Variants in RIOK3 observed in about 807,000 individuals in gnomAD.
RIOK3 encodes the protein RIO kinase 3.
RIOK3 carries 40 observed loss-of-function variants against 63.5 expected under a neutral mutation model. That is an observed-to-expected ratio of 0.63 (90% CI 0.49 to 0.82). The LOEUF is 0.82. Among genes scored for constraint, RIOK3 ranks in the 40% least tolerant of loss-of-function variants. The pLI is 0.00. For synonymous variants in RIOK3, 193 were observed against 205.0 expected (o/e 0.94, Z 0.50); for missense variants, 557 against 637.0 (o/e 0.87, Z 1.35).
chr18:23,453,935 T>C (rs186638899), intron 1 of RIOK3, among the ~76,000 whole-genome samples: 10 of 152,286 alleles, frequency 6.6e-5, no homozygotes, highest in Middle Eastern at 3.4e-3. Flanking sequence ...TTATCCCAGT[T>C]TGGAAATGTC....
chr18:23,455,002 T>A (rs1407173044), intron 1 of RIOK3, among the ~76,000 whole-genome samples: 1 of 152,126 alleles, frequency 6.6e-6, no homozygotes, highest in African/African-American at 2.4e-5. Flanking sequence ...CTTTCCTTCC[T>A]TCCTTCCTTC....
Position 23,463,929 on chromosome 18 carries a change from G to A in RIOK3, c.180-38G>A, listed in dbSNP as rs187456685. 12 of 1,549,498 alleles carry A rather than the reference G, an allele frequency of 7.7e-6. No homozygotes were observed. The Admixed American group carries it at 1.0e-4, about 13-fold the overall frequency. On this transcript the variant is annotated intron_variant, in intron 2 of 12. Coordinates refer to ENST00000339486, the MANE Select transcript of RIOK3 (RefSeq NM_003831.5). ...TAATTGGCAACCTCTGTTTACTTAA[G>A]CACATTACATTAGTTTATATTGCCT...
chr18:23,467,659 C>T, intron 7 of RIOK3, 133 bp downstream of exon 7: 1 of 813,052 alleles, frequency 1.2e-6, no homozygotes, highest in Non-Finnish European at 1.9e-6. Context: ...TGTAGAAAGT[C>T]TAGGCAGTAT....
chr18:23,465,402 A>G (rs2145680426), intron 5 of RIOK3, among the ~76,000 whole-genome samples: 2 of 152,304 alleles, frequency 1.3e-5, no homozygotes. Context: ...AGCATTCTAA[A>G]TCCTTCATAA....
chr18:23,462,979 C>A lies in RIOK3; in HGVS notation c.79C>A (p.Pro27Thr). ...TTTTTCATAGTGTCCATGGGCTATTCCTCAAAATACAATATCTTGTTCTTT... is the reference window on the plus strand; with the variant it reads ...TTTTTCATAGTGTCCATGGGCTATTACTCAAAATACAATATCTTGTTCTTT... ...WGPSKCPWAI[P>T]QNTISCSLAD... The change falls in exon 2 of 13, where the codon CCT becomes ACT. Residue 27 changes from proline (P) to threonine (T), a missense_variant. Transcript: ENST00000339486. 1 of 1,577,116 alleles carries A rather than the reference C, an allele frequency of 6.3e-7. No homozygotes were observed. The highest frequency in any genetic ancestry group is 8.6e-7 in the Non-Finnish European group (1 of 1,160,936).
chr18:23,453,640 G>C, intron 1 of RIOK3, 138 bp downstream of exon 1: 1 of 746,922 alleles, frequency 1.3e-6, no homozygotes, highest in East Asian at 2.5e-5. Flanking sequence ...GGGGGCACTG[G>C]CCGCGGGGGT....
chr18:23,466,599 A>T (rs2145682251), intron 6 of RIOK3, among the ~76,000 whole-genome samples: 1 of 144,840 alleles, frequency 6.9e-6, no homozygotes, highest in Non-Finnish European at 1.5e-5. Flanking sequence ...CTGAGGTGGG[A>T]GGATTGGTTG....
rs59552026 is a variant in RIOK3, at chr18:23,480,555, GCACACACA to G, written c.1453-588_1453-581del. ...ACTATTTGTGTATACTTGGATGCAC[GCACACACA>G]CACACACACACACACACACACACAC... is the stretch of plus-strand genomic sequence containing the variant. On this transcript the variant is annotated intron_variant, in intron 12 of 12. Transcript: ENST00000339486. Among the ~76,000 whole-genome samples the G allele has an allele frequency of 9.6e-3, 1,363 of 142,094 alleles. 11 individuals are homozygous for G. Among genetic ancestry groups the G allele is most frequent in the Non-Finnish European group, 0.012 (817 of 66,212 alleles). The allele number at this position is 142,094 out of a possible 152,430, so 93.2% of individuals were successfully genotyped here. A position where few individuals can be genotyped will look rare whatever the true frequency, so the allele number is the denominator to read the frequency against.
intron 1 of RIOK3, among the ~76,000 whole-genome samples, chr18:23,459,380 G>T (rs1355988790): frequency 6.6e-6 from 1 of 152,198 alleles, no homozygotes; most frequent in Non-Finnish European, 1.5e-5. Flanking sequence ...ATACTGGAAT[G>T]CCTCTTTATA....
chr18:23,470,508 T>A (rs996729828), intron 7 of RIOK3, among the ~76,000 whole-genome samples: 5 of 152,242 alleles, frequency 3.3e-5, no homozygotes, highest in Non-Finnish European at 7.3e-5. Context: ...TATTATCTTT[T>A]AAAAGAGACT....
intron 7 of RIOK3, among the ~76,000 whole-genome samples, chr18:23,471,371 C>T (rs975818229): frequency 6.6e-6 from 1 of 152,072 alleles, no homozygotes; most frequent in Non-Finnish European, 1.5e-5. Flanking sequence ...TTGAGGGAAG[C>T]GTAAGAAACC....
chr18:23,459,357 T>C (rs1308810102), intron 1 of RIOK3, among the ~76,000 whole-genome samples: 1 of 152,190 alleles, frequency 6.6e-6, no homozygotes. Flanking sequence ...TTTTGGCACA[T>C]ACTGCTCAGG....
At chr18:23,481,043 G>A in intron 12 of RIOK3, 129 bp from the exon 13 acceptor site, 1 of 635,230 alleles carries the variant, frequency 1.6e-6, no homozygotes, top group Non-Finnish European at 2.8e-6. Context: ...TTGCACCACT[G>A]CACTCCAGCC....
intron 1 of RIOK3, among the ~76,000 whole-genome samples, chr18:23,456,111 G>T (rs2145666196): frequency 6.6e-6 from 1 of 151,552 alleles, no homozygotes; most frequent in East Asian, 1.9e-4. Flanking sequence ...TTGTATTTTT[G>T]TGTAGAGATC....
intron 5 of RIOK3, among the ~76,000 whole-genome samples, chr18:23,464,876 GTTA>G (rs2057395992): frequency 6.6e-6 from 1 of 151,998 alleles, no homozygotes; most frequent in Non-Finnish European, 1.5e-5. Flanking sequence ...TTAATAAATA[GTTA>G]TTATGAAATT....
At chr18:23,467,950 G>A (rs1360821343) in intron 7 of RIOK3, among the ~76,000 whole-genome samples, 1 of 151,994 alleles carries the variant, frequency 6.6e-6, no homozygotes, top group African/African-American at 2.4e-5. Flanking sequence ...GCTAATTTTT[G>A]TATTTTTAGT....
Position 23,476,787 on chromosome 18 carries a change from C to A in RIOK3, c.1174-219C>A, listed in dbSNP as rs552022271. ...ATTAGCCAGGAGTGGTGGTGGGTGC[C>A]TGTAGTCCGAGCTACTTGGGAGGCT... On this transcript the variant is annotated intron_variant, in intron 9 of 12. Coordinates refer to ENST00000339486, the MANE Select transcript of RIOK3 (RefSeq NM_003831.5). 2.6e-5 allele frequency among the ~76,000 whole-genome samples: 4 copies of A among 152,188 alleles called. No individual in the cohort carries two copies. The East Asian group carries it at 5.8e-4, about 22-fold the overall frequency.
In RIOK3 at chr18:23,474,833, C is replaced by T. The variant is rs546833207; in HGVS notation, c.1014-115C>T. ...TTACTGTCTTTGTATTCCCACATCA[C>T]CAGGGTAGAACATAGTGCCAGCTCA... On this transcript the variant is annotated intron_variant, in intron 8 of 12. Transcript: ENST00000339486. 53 of 727,636 alleles carry T rather than the reference C, an allele frequency of 7.3e-5. No homozygotes were observed. In the Middle Eastern group the frequency reaches 2.0e-3, roughly 28 times the overall value. The allele number at this position is 727,636 out of a possible 1,614,324, so 45.1% of individuals were successfully genotyped here. A position where few individuals can be genotyped will look rare whatever the true frequency, so the allele number is the denominator to read the frequency against.
rs374653732 is a variant in RIOK3 at position 23,466,288 on chromosome 18, T to C, written c.687+12T>C. 6 of 1,537,644 alleles carry C rather than the reference T, an allele frequency of 3.9e-6. No homozygotes were observed. The highest frequency in any genetic ancestry group is 4.3e-6 in the Non-Finnish European group (5 of 1,153,532). On this transcript the variant is annotated intron_variant, in intron 6 of 12. Transcript: ENST00000339486. ...AGCATTCTACAGCAGTAAGGATTTA[T>C]AGATTTTTTTTTTTCTTTTTTACTA...
Sources: allele counts gnomAD v4.1 joint callset (sites outside exome capture counted in the v4.1 genomes callset), GRCh38; gene constraint gnomAD v4.1.1; transcripts MANE v1.5; gene names NCBI Gene and HGNC (gene_info 2026-07-23, HGNC 2026-07-21).